The following IL1RAPL1 variants were observed in gnomAD, a reference collection of about 807,000 sequenced individuals.
IL1RAPL1 encodes the protein interleukin-1 receptor accessory protein-like 1.
In IL1RAPL1, 3 loss-of-function variants were observed where a neutral mutation model predicts 48.4. That is an observed-to-expected ratio of 0.06 (90% CI 0.03 to 0.16). The LOEUF is 0.16. Ranked by LOEUF, IL1RAPL1 falls within the 10% of genes least tolerant of loss-of-function variation. IL1RAPL1 has a pLI of 1.00. For synonymous variants in IL1RAPL1, 185 were observed against 187.7 expected (o/e 0.99, Z 0.12); for missense variants, 349 against 530.6 (o/e 0.66, Z 3.36).
intron 2 of IL1RAPL1, among the ~76,000 whole-genome samples, chrX:28,831,661 C>T (rs762618718): frequency 3.6e-5 from 4 of 110,657 alleles, no homozygotes; most frequent in Non-Finnish European, 7.6e-5. Flanking sequence ...AAAAGTCAGC[C>T]ATTTTTCTTG....
At chrX:29,555,545 C>G (rs1200890221) in intron 5 of IL1RAPL1, among the ~76,000 whole-genome samples, 69 of 112,180 alleles carry the variant, frequency 6.2e-4, no homozygotes, top group Non-Finnish European at 1.9e-5. Context: ...GAAGAGATGG[C>G]TAGCCATTTC....
chrX:29,223,808 G>A (rs776644323), intron 2 of IL1RAPL1, among the ~76,000 whole-genome samples: 5 of 110,647 alleles, frequency 4.5e-5, no homozygotes, highest in South Asian at 3.8e-4. Context: ...CTCCCAAAGC[G>A]CTGGGATTAC....
At chrX:29,577,286 G>GA (rs1253110895) in intron 5 of IL1RAPL1, among the ~76,000 whole-genome samples, 4 of 111,034 alleles carry the variant, frequency 3.6e-5, no homozygotes, top group East Asian at 5.6e-4. Context: ...TAGATGTTAT[G>GA]AAAAAAAAGT....
At chrX:28,679,734 T>C (rs775779731) in intron 1 of IL1RAPL1, among the ~76,000 whole-genome samples, 1 of 112,143 alleles carries the variant, frequency 8.9e-6, no homozygotes, top group African/African-American at 3.2e-5. Flanking sequence ...CCATTTTATT[T>C]TCTGGGCATC....
At chrX:28,740,532 G>A (rs1270881153) in intron 1 of IL1RAPL1, among the ~76,000 whole-genome samples, 1 of 110,488 alleles carries the variant, frequency 9.1e-6, no homozygotes, top group Non-Finnish European at 1.9e-5. Flanking sequence ...TTAGGTTCAG[G>A]TGGTACATGT....
intron 5 of IL1RAPL1, among the ~76,000 whole-genome samples, chrX:29,528,677 G>A (rs1935580356): frequency 8.9e-6 from 1 of 112,113 alleles, no homozygotes; most frequent in African/African-American, 3.2e-5. Flanking sequence ...CCCCTTTGAA[G>A]CCAGATTGGG....
intron 3 of IL1RAPL1, among the ~76,000 whole-genome samples, chrX:29,364,562 C>CAA (rs766680904): frequency 0.012 from 541 of 43,364 alleles, 9 homozygotes; most frequent in African/African-American, 0.043. Flanking sequence ...GACTCTATCT[C>CAA]AAAAAAAAAA....
At chrX:28,681,563 A>G (rs1361929529) in intron 1 of IL1RAPL1, among the ~76,000 whole-genome samples, 1 of 111,641 alleles carries the variant, frequency 9.0e-6, no homozygotes, top group East Asian at 2.8e-4. Context: ...ATGCAAGATT[A>G]ATAATTTCTT....
At chrX:29,925,726 G>C (rs781180142) in intron 8 of IL1RAPL1, among the ~76,000 whole-genome samples, 19 of 108,590 alleles carry the variant, frequency 1.7e-4, no homozygotes, top group Non-Finnish European at 3.2e-4. Context: ...AAATTGTAGA[G>C]ACAGGGTCTC....
intron 2 of IL1RAPL1, among the ~76,000 whole-genome samples, chrX:29,236,545 CTTTTTTTTTTTT>C (rs754996544): frequency 8.5e-4 from 54 of 63,182 alleles, no homozygotes; most frequent in African/African-American, 3.6e-3. Context: ...CTTTTTTTTT[CTTTTTTTTTTTT>C]TTTTTTTTTT....
intron 6 of IL1RAPL1, among the ~76,000 whole-genome samples, chrX:29,830,333 AT>A (rs1442123935): frequency 8.9e-6 from 1 of 111,831 alleles, no homozygotes; most frequent in Non-Finnish European, 1.9e-5. Context: ...ATGAATTTTC[AT>A]ATACTTTAAC....
intron 1 of IL1RAPL1, among the ~76,000 whole-genome samples, chrX:28,606,888 T>A (rs1192588679): frequency 1.8e-5 from 2 of 111,065 alleles, no homozygotes; most frequent in Non-Finnish European, 3.8e-5. Flanking sequence ...GTTTTATAAA[T>A]AGAAAAAAAT....
chrX:29,011,889 A>G (rs1481993225), intron 2 of IL1RAPL1, among the ~76,000 whole-genome samples: 2 of 112,671 alleles, frequency 1.8e-5, no homozygotes, highest in Non-Finnish European at 3.7e-5. Flanking sequence ...TGTTTTAAAT[A>G]ATGAATTCAA....
At chrX:28,986,661 C>CT (rs2147378624) in intron 2 of IL1RAPL1, among the ~76,000 whole-genome samples, 1 of 112,259 alleles carries the variant, frequency 8.9e-6, no homozygotes, top group South Asian at 3.7e-4. Flanking sequence ...GCTCATTTTT[C>CT]TTGCTGTTGT....
At chrX:28,854,007 C>T (rs1220274087) in intron 2 of IL1RAPL1, among the ~76,000 whole-genome samples, 1 of 111,824 alleles carries the variant, frequency 8.9e-6, no homozygotes, top group African/African-American at 3.3e-5. Context: ...CATGGAGGAA[C>T]ACTCAGAGAA....
At chrX:29,400,870 A>G (rs1407877635) in intron 5 of IL1RAPL1, among the ~76,000 whole-genome samples, 2 of 112,112 alleles carry the variant, frequency 1.8e-5, no homozygotes, top group African/African-American at 6.5e-5. Flanking sequence ...AAAGCAATCT[A>G]TCCTGAATAG....
At chrX:29,199,353 CTG>C (rs1473598973) in intron 2 of IL1RAPL1, among the ~76,000 whole-genome samples, 2 of 110,394 alleles carry the variant, frequency 1.8e-5, no homozygotes, top group Non-Finnish European at 3.8e-5. Context: ...AAAATAGTCT[CTG>C]TTTATGAATA....
At chrX:29,030,010 T>C (rs1166238871) in intron 2 of IL1RAPL1, among the ~76,000 whole-genome samples, 1 of 110,074 alleles carries the variant, frequency 9.1e-6, no homozygotes, top group African/African-American at 3.3e-5. Context: ...GCTATCTTTT[T>C]TTCATTGTAT....
intron 5 of IL1RAPL1, among the ~76,000 whole-genome samples, chrX:29,490,116 C>T (rs1331899768): frequency 9.0e-6 from 1 of 110,816 alleles, no homozygotes; most frequent in Non-Finnish European, 1.9e-5. Flanking sequence ...TCTTTAATGT[C>T]TGTGACAATT....
Sources: allele counts gnomAD v4.1 joint callset (sites outside exome capture counted in the v4.1 genomes callset), GRCh38; gene constraint gnomAD v4.1.1; transcripts MANE v1.5; gene names NCBI Gene and HGNC (gene_info 2026-07-23, HGNC 2026-07-21).